ITGB4: variants seen among roughly 807,000 people sequenced by gnomAD.
The protein encoded by ITGB4 is integrin subunit beta 4.
A neutral mutation model predicts 207.6 loss-of-function variants in ITGB4; 159 were observed. The ratio of observed to expected loss-of-function variants is 0.77; its 90% CI spans 0.67 to 0.87. ITGB4 has a LOEUF of 0.87. Ranked by LOEUF, ITGB4 falls within the 40% of genes least tolerant of loss-of-function variation. ITGB4 has a pLI of 0.00. For missense variants in ITGB4, 2,278 were observed against 2,546.8 expected (o/e 0.89, Z 2.27); for synonymous variants, 1,020 against 1,062.7 (o/e 0.96, Z 0.78).
At position 75,739,620 on chromosome 17, in the gene ITGB4, C is replaced by CCTCACCCACCT; in HGVS notation, c.2221-52_2221-51insCTCACCCACCT. 6.2e-7 allele frequency: 1 copy of CCTCACCCACCT among 1,611,434 alleles called. No homozygotes were observed. Among genetic ancestry groups the CCTCACCCACCT allele is most frequent in the South Asian group, 1.1e-5 (1 of 91,032 alleles). On this transcript the variant is annotated intron_variant, in intron 18 of 39. Coordinates refer to ENST00000200181, the MANE Select transcript of ITGB4 (RefSeq NM_000213.5). The surrounding 1 kb of genome is among the most constrained non-coding windows in gnomAD (Gnocchi z 5.4). ...GGGCGGGGTGGCTGGAAGGGCTTACCTGGGCCAGGGCAGCTGTCTCAGGCC... is the reference window on the plus strand; with the variant it reads ...GGGCGGGGTGGCTGGAAGGGCTTACCCTCACCCACCTTGGGCCAGGGCAGCTGTCTCAGGCC...
intron 32 of ITGB4, 49 bp from the exon 33 acceptor site, chr17:75,753,716 G>C: frequency 5.5e-6 from 7 of 1,278,626 alleles, no homozygotes; most frequent in Non-Finnish European, 7.0e-6. Context: ...GGCCCTGCTC[G>C]GCCCGGCGCC....
intron 16 of ITGB4, among the ~76,000 whole-genome samples, chr17:75,736,935 G>T (rs2060991930): frequency 1.3e-5 from 2 of 152,110 alleles, no homozygotes; most frequent in South Asian, 4.2e-4. Flanking sequence ...TCTGGCCCAG[G>T]AAGGGACCAA....
chr17:75,731,754 G>C lies in ITGB4; in HGVS notation c.1216-58G>C, dbSNP rs146687485. The C allele has an allele frequency of 3.7e-3, 5,617 of 1,508,156 alleles. 31 individuals are homozygous for C. The highest frequency in any genetic ancestry group is 0.015 in the South Asian group (1,206 of 79,658). The allele number at this position is 1,508,156 out of a possible 1,614,324, so 93.4% of individuals were successfully genotyped here. A position where few individuals can be genotyped will look rare whatever the true frequency, so the allele number is the denominator to read the frequency against. Reference sequence around the variant, plus strand: ...TGGGGGCCGAGGGCCTTCAGGCATCGATGGCCCCCTGGTCCTTGGGGCTGG... The same window carrying C: ...TGGGGGCCGAGGGCCTTCAGGCATCCATGGCCCCCTGGTCCTTGGGGCTGG... On this transcript the variant is annotated intron_variant, in intron 10 of 39. Transcript: ENST00000200181. This position sits in a 1 kb window ranked among gnomAD's most constrained non-coding sequence, Gnocchi z 6.8.
chr17:75,730,097 A>C, intron 7 of ITGB4, 144 bp from the exon 8 acceptor site: 1 of 1,060,818 alleles, frequency 9.4e-7, no homozygotes, highest in South Asian at 1.4e-5. Flanking sequence ...CGTCAGATGC[A>C]TCTTTCATGA....
rs1340327248 is a variant in ITGB4, at chr17:75,727,728, G to C, written c.342G>C (p.Glu114Asp). 6.2e-7 allele frequency: 1 copy of C among 1,613,868 alleles called. No homozygotes were observed. Among genetic ancestry groups the C allele is most frequent in the Non-Finnish European group, 8.5e-7 (1 of 1,180,010 alleles). Reference protein sequence around the residue: ...QGLRVRLRPGEERHFELEVFE... With the variant: ...QGLRVRLRPGDERHFELEVFE... ...TGCGGGTCCGTCTGCGGCCCGGTGA[G>C]GAGCGGCATTTTGAGCTGGAGGTGT... Residue 114 changes from glutamate (E) to aspartate (D), a missense_variant, in exon 5 of 40, where the codon GAG (glutamate) becomes GAC (aspartate). Physicochemically the swap from Glu to Asp is conservative, Grantham distance 45. Coordinates refer to ENST00000200181, the MANE Select transcript of ITGB4 (RefSeq NM_000213.5). This position sits in a 1 kb window ranked among gnomAD's most constrained non-coding sequence, Gnocchi z 6.0.
intron 35 of ITGB4, 41 bp from the exon 36 acceptor site, chr17:75,756,388 G>C (rs750654316): frequency 6.2e-7 from 1 of 1,608,564 alleles, no homozygotes; most frequent in Non-Finnish European, 8.5e-7. Flanking sequence ...AGGGGTGGGA[G>C]TAACACTGCA....
intron 2 of ITGB4, among the ~76,000 whole-genome samples, chr17:75,726,419 G>A (rs995280160): frequency 1.5e-4 from 21 of 141,948 alleles, no homozygotes; most frequent in Admixed American, 5.6e-4. Context: ...CAGCAAGACC[G>A]TATCTCAAAA....
At chr17:75,741,039 A>C (rs2143104184) in intron 23 of ITGB4, 34 bp downstream of exon 23, 1 of 1,603,138 alleles carries the variant, frequency 6.2e-7, no homozygotes, top group Non-Finnish European at 8.5e-7. Context: ...GAGGGCCCCC[A>C]CTTCCTGCCC....
Position 75,757,404 on chromosome 17 carries a change from C to T in ITGB4, c.5330-12C>T. ...CCCCAAGCCAGGTCATCTAATGCCT[C>T]CTCCTCCACAGATGGGCTGACCCTG... On this transcript the variant is annotated splice_polypyrimidine_tract_variant and intron_variant, in intron 39 of 39. Transcript: ENST00000200181. 3.1e-6 allele frequency: 5 copies of T among 1,613,118 alleles called. No homozygotes were observed. The highest frequency in any genetic ancestry group is 3.4e-6 in the Non-Finnish European group (4 of 1,179,980).
At chr17:75,749,996 A>G in intron 27 of ITGB4, 115 bp from the exon 28 acceptor site, 2 of 1,276,162 alleles carry the variant, frequency 1.6e-6, no homozygotes, top group Non-Finnish European at 2.3e-6. Context: ...GCGGGTGGGC[A>G]GGTCTGAGTT....
intron 2 of ITGB4, among the ~76,000 whole-genome samples, chr17:75,725,956 G>C (rs1169982031): frequency 6.6e-6 from 1 of 152,238 alleles, no homozygotes; most frequent in Admixed American, 6.5e-5. Context: ...AAGGTAATGG[G>C]GAAGGCTGAG....
Position 75,752,257 on chromosome 17 carries a change from C to T in ITGB4, c.3877C>T (p.Pro1293Ser). ...TATTGAGAACCTTCGGGAGTCCCAG[C>T]CCTACCGCTACACGGTGAAGGCGCG... ...LLIENLRESQ[P>S]YRYTVKARNG... Residue 1293 changes from proline (P) to serine (S), a missense_variant, in exon 31 of 40, where the codon CCC becomes TCC. Physicochemically the swap from Pro to Ser is moderately conservative, Grantham distance 74. Transcript: ENST00000200181. The T allele has an allele frequency of 6.2e-7, 1 of 1,613,586 alleles. No individual in the cohort carries two copies.
At position 75,730,479 on chromosome 17, in the gene ITGB4, C is replaced by G. The variant is rs2060827482; in HGVS notation, c.977C>G (p.Thr326Ser). ...KHNIIPIFAV[T>S]NYSYSYYEKL... ...AACATCATCCCCATCTTTGCTGTCA[C>G]CAACTACTCCTATAGCTACTACGAG... The change falls in exon 8 of 40, where the codon ACC becomes AGC. Residue 326 changes from threonine to serine, a missense_variant. Physicochemically the swap from Thr to Ser is moderately conservative, Grantham distance 58. Transcript: ENST00000200181. The G allele has an allele frequency of 6.2e-7, 1 of 1,613,864 alleles. No homozygotes were observed. The highest frequency in any genetic ancestry group is 1.1e-5 in the South Asian group (1 of 91,082).
At chr17:75,752,118 G>T in intron 30 of ITGB4, 56 bp from the exon 31 acceptor site, 1 of 1,567,656 alleles carries the variant, frequency 6.4e-7, no homozygotes, top group Non-Finnish European at 8.8e-7. Flanking sequence ...GTCAGGGGTG[G>T]TGTTGGGACC....
intron 18 of ITGB4, among the ~76,000 whole-genome samples, chr17:75,738,333 C>T (rs550890428): frequency 2.1e-4 from 32 of 152,294 alleles, no homozygotes; most frequent in Non-Finnish European, 4.0e-4. Flanking sequence ...CATCCGTTCT[C>T]TGCTTAGCTC....
At chr17:75,738,970 A>C (rs962120957) in intron 18 of ITGB4, among the ~76,000 whole-genome samples, 3 of 149,040 alleles carry the variant, frequency 2.0e-5, no homozygotes, top group South Asian at 4.5e-4. Flanking sequence ...AGTGAGACTC[A>C]AAAAGAAAAA....
In ITGB4 at chr17:75,727,046, C is replaced by G; in HGVS notation, c.80-149C>G. 2.9e-6 allele frequency: 2 copies of G among 699,818 alleles called. No homozygotes were observed. Among genetic ancestry groups the G allele is most frequent in the Non-Finnish European group, 5.0e-6 (2 of 401,382 alleles). The allele number at this position is 699,818 out of a possible 1,614,324, so 43.4% of individuals were successfully genotyped here. On this transcript the variant is annotated intron_variant, in intron 2 of 39. Transcript: ENST00000200181. The surrounding 1 kb of genome is among the most constrained non-coding windows in gnomAD (Gnocchi z 6.0). ...CAGGATCACGCCACTGCACTCCAGC[C>G]TGGGCAACAGAGCGAGACTCTGTCT...
chr17:75,722,196 C>T lies in ITGB4; in HGVS notation c.-11+584C>T, dbSNP rs1049745486. Among the ~76,000 whole-genome samples the T allele has an allele frequency of 7.2e-5, 11 of 152,172 alleles. No individual in the cohort carries two copies. The highest frequency in any genetic ancestry group is 1.0e-4 in the Non-Finnish European group (7 of 68,014). ...CCTTCCTCCCAAAGTCAGCCCCAGG[C>T]GCCTTCCTTCAGGAAGCTCTACAGG... On this transcript the variant is annotated intron_variant, in intron 1 of 39. Transcript: ENST00000200181. The surrounding 1 kb of genome is among the most constrained non-coding windows in gnomAD (Gnocchi z 6.2).
At chr17:75,751,561 G>T in intron 30 of ITGB4, 1 of 241,246 alleles carries the variant, frequency 4.1e-6, no homozygotes, top group Non-Finnish European at 8.3e-6. Flanking sequence ...GACCAGCCTG[G>T]CTAACATGGT....
Sources: allele counts gnomAD v4.1 joint callset (sites outside exome capture counted in the v4.1 genomes callset), GRCh38; gene constraint gnomAD v4.1.1; non-coding constraint Gnocchi (gnomAD v3.1); transcripts MANE v1.5; gene names NCBI Gene and HGNC (gene_info 2026-07-23, HGNC 2026-07-21).